MUC6: variants seen among roughly 807,000 people sequenced by gnomAD.
MUC6 encodes the protein mucin-6.
Under a neutral mutation model 201.5 loss-of-function variants are expected in MUC6, and 188 were observed. The observed-to-expected ratio is 0.93, with a 90% CI of 0.83 to 1.05. The LOEUF is 1.05. MUC6 is among the 50% of genes least tolerant of loss of function. MUC6 has a pLI of 0.00. For missense variants in MUC6, 2,706 were observed against 3,256.9 expected, an observed-to-expected ratio of 0.83 and a Z score of 4.12; for synonymous variants, 1,228 against 1,389.4, an observed-to-expected ratio of 0.88 and a Z score of 2.58.
rs965080400 is a variant in MUC6 at position 1,030,793 on chromosome 11, C to T, written c.685-13G>A. 1.1e-5 allele frequency: 17 copies of T among 1,534,544 alleles called. No individual in the cohort carries two copies. The highest frequency in any genetic ancestry group is 3.9e-5 in the Admixed American group (2 of 50,932). On this transcript the variant is annotated splice_polypyrimidine_tract_variant and intron_variant, in intron 6 of 32. Transcript: ENST00000421673. ...TGCAGATCCGGGCCTGGGGGGGCCA[C>T]TCAGGGTCATGGGGGCAAAGGCCAC...
At chr11:1,021,334 G>A in intron 26 of MUC6, 57 bp from the exon 27 acceptor site, 7 of 1,238,766 alleles carry the variant, frequency 5.7e-6, no homozygotes, top group Non-Finnish European at 6.5e-6. Context: ...GCCCACCTGC[G>A]TGTTTCCTGC....
chr11:1,036,493 C>G (rs1190911461), intron 1 of MUC6, 111 bp downstream of exon 1: 2 of 1,251,714 alleles, frequency 1.6e-6, no homozygotes, highest in Non-Finnish European at 2.2e-6. Flanking sequence ...TCCCGTCCAT[C>G]AGCGTCCATG....
rs1008974148 is a variant in MUC6, at chr11:1,013,158, G to A, written c.*298C>T. The stretch of plus-strand genomic sequence containing the variant: ...TGGGGCCAAGTTCAGGGGCTGGGAG[G>A]TGTTGGACGGTGGGCAGGGGTGGTC... On this transcript the variant is annotated 3_prime_UTR_variant, in exon 33 of 33. Transcript: ENST00000421673. 6.5e-6 allele frequency: 3 copies of A among 462,774 alleles called. No individual in the cohort carries two copies. The highest frequency in any genetic ancestry group is 1.1e-5 in the Non-Finnish European group (3 of 261,456). The allele number at this position is 462,774 out of a possible 1,614,324, so 28.7% of individuals were successfully genotyped here.
chr11:1,017,220 T>A lies in MUC6; in HGVS notation c.5581A>T (p.Thr1861Ser), dbSNP rs56238842. The change falls in exon 31 of 33, where the codon ACA (threonine) becomes TCA (serine). Residue 1861 changes from threonine (T) to serine (S), a missense_variant. This residue lies in a region of MUC6 where 20 missense variants were observed against 35.8 expected (regional missense o/e 0.56). Coordinates refer to ENST00000421673, the MANE Select transcript of MUC6 (RefSeq NM_005961.3). ...STHTVIIPTH[T>S]QMATSASIHS... ...ATGGAGGCAGAAGTGGCCATCTGTGTGTGGGTAGGGATGATGACCGTGTGA... is the reference window on the plus strand; with the variant it reads ...ATGGAGGCAGAAGTGGCCATCTGTGAGTGGGTAGGGATGATGACCGTGTGA... The A allele has an allele frequency of 3.1e-6, 5 of 1,612,626 alleles. No homozygotes were observed. Among genetic ancestry groups the A allele is most frequent in the Non-Finnish European group, 4.2e-6 (5 of 1,178,524 alleles).
chr11:1,015,850 C>A lies in MUC6; in HGVS notation c.6951G>T (p.Arg2317=). 1 of 1,603,176 alleles carries A rather than the reference C, an allele frequency of 6.2e-7. No homozygotes were observed. The highest frequency in any genetic ancestry group is 1.1e-5 in the South Asian group (1 of 88,954). The change falls in exon 31 of 33, where the codon CGG becomes CGT. Residue 2317 remains arginine, a synonymous_variant. Coordinates refer to ENST00000421673, the MANE Select transcript of MUC6 (RefSeq NM_005961.3). ...GGGCAGTGAGGGAGCTGGTCAGGAACCGTGTGGTAGGCGACAAGGTGGGAC... is the reference window on the plus strand; with the variant it reads ...GGGCAGTGAGGGAGCTGGTCAGGAAACGTGTGGTAGGCGACAAGGTGGGAC... ...HPGPTLSPTT[R]FLTSSLTAHG...
chr11:1,024,895 C>G lies in MUC6; in HGVS notation c.3174G>C (p.Glu1058Asp). The G allele has an allele frequency of 6.2e-7, 1 of 1,612,706 alleles. No homozygotes were observed. The highest frequency in any genetic ancestry group is 8.5e-7 in the Non-Finnish European group (1 of 1,179,834). Reference protein sequence around the residue: ...SLNAFRRSWAERKCSVINSQT... With the variant: ...SLNAFRRSWADRKCSVINSQT... ...GGCTGTTGATGACGCTGCACTTGCG[C>G]TCGGCCCAGGAGCGCCGGAAGGCAT... The change falls in exon 24 of 33, where the codon GAG (glutamate) becomes GAC (aspartate). Residue 1058 changes from glutamate (E) to aspartate (D), a missense_variant. Glu to Asp is a conservative substitution (Grantham distance 45). Coordinates refer to ENST00000421673, the MANE Select transcript of MUC6 (RefSeq NM_005961.3).
Position 1,028,665 on chromosome 11 carries a change from C to A in MUC6, c.1572G>T (p.Gln524His). 1 of 1,609,642 alleles carries A rather than the reference C, an allele frequency of 6.2e-7. No individual in the cohort carries two copies. Among genetic ancestry groups the A allele is most frequent in the Non-Finnish European group, 8.5e-7 (1 of 1,178,650 alleles). ...IFQAYVTVGP[Q>H]FRGQTRGLCG... is the part of the protein sequence containing the mutation. Reference sequence around the variant, plus strand: ...ACTCACCTCTGGTCTGACCTCTGAACTGGGGCCCAACAGTGACATAGGCCT... The same window carrying A: ...ACTCACCTCTGGTCTGACCTCTGAAATGGGGCCCAACAGTGACATAGGCCT... The change falls in exon 13 of 33, where the codon CAG becomes CAT. Residue 524 changes from glutamine (Q) to histidine (H), a missense_variant. Gln to His is a conservative substitution (Grantham distance 24). This residue lies in a region of MUC6 where 1,850 missense variants were observed against 1,958.3 expected (regional missense o/e 0.94). Coordinates refer to ENST00000421673, the MANE Select transcript of MUC6 (RefSeq NM_005961.3).
In MUC6 at chr11:1,013,481, C is replaced by T. The variant is rs1416463216; in HGVS notation, c.7295G>A (p.Cys2432Tyr). 1.9e-6 allele frequency: 3 copies of T among 1,585,524 alleles called. No homozygotes were observed. The highest frequency in any genetic ancestry group is 1.2e-5 in the South Asian group (1 of 86,708). Reference sequence around the variant, plus strand: ...CTAGTCTCCACAGGCCACAGAGCTGCACACGCAGTGGCTGAACACCTGCAG... The same window carrying T: ...CTAGTCTCCACAGGCCACAGAGCTGTACACGCAGTGGCTGAACACCTGCAG... ...LTLQVFSHCV[C>Y]SSVACGD is the part of the protein sequence containing the mutation. The change falls in exon 33 of 33, where the codon TGC (cysteine) becomes TAC (tyrosine). Residue 2432 changes from cysteine to tyrosine, a missense_variant. Transcript: ENST00000421673.
intron 18 of MUC6, 32 bp downstream of exon 18, chr11:1,027,109 T>C (rs1192418951): frequency 6.2e-7 from 1 of 1,611,606 alleles, no homozygotes; most frequent in Admixed American, 1.7e-5. Context: ...CCCCTCACAG[T>C]CCCAGCCTGC....
chr11:1,024,211 G>A (rs2133826110), intron 24 of MUC6, 108 bp from the exon 25 acceptor site: 2 of 1,325,724 alleles, frequency 1.5e-6, no homozygotes, highest in East Asian at 5.0e-5. Flanking sequence ...GTGGCGGTAA[G>A]GGCGCTGGGA....
At chr11:1,025,743 A>T in intron 22 of MUC6, 62 bp downstream of exon 22, 1 of 1,439,382 alleles carries the variant, frequency 6.9e-7, no homozygotes, top group Non-Finnish European at 9.5e-7. Context: ...CGCGGGATCC[A>T]GCTGTGTGGC....
chr11:1,028,609 T>C (rs779737076), intron 13 of MUC6, 37 bp downstream of exon 13: 1 of 1,596,908 alleles, frequency 6.3e-7, no homozygotes. Context: ...CCTGTAGGGA[T>C]GAGGCAACAG....
chr11:1,018,765 A>T lies in MUC6; in HGVS notation c.4036T>A (p.Ser1346Thr), dbSNP rs756791660. 1.4e-5 allele frequency: 22 copies of T among 1,555,490 alleles called. No homozygotes were observed. In the Admixed American group the frequency reaches 4.5e-4, roughly 32 times the overall value. Residue 1346 changes from serine to threonine, a missense_variant, in exon 31 of 33, where the codon TCG becomes ACG. Around this residue, in one of 10 missense-constraint regions of MUC6, gnomAD observed 1,850 missense variants for 1,958.3 expected, o/e 0.94. Transcript: ENST00000421673. The stretch of plus-strand genomic sequence containing the variant: ...GTTCCTGGCAGTTCCTGATTGGTCG[A>T]TTTTGCTGTGGGAATTGGTGAAGTT... ...TSGTSPTLPK[S>T]TNQELPGTTA... is the part of the protein sequence containing the mutation.
chr11:1,025,290 C>G lies in MUC6; in HGVS notation c.2877G>C (p.Pro959=), dbSNP rs566564048. ...EEPHVQLGVT[P]GALSLVVDIS... ...TGTCCACGACAAGGCTCAGCGCACC[C>G]GGCGTCACCCCGAGCTGCACGTGGG... Residue 959 remains proline, a synonymous_variant, in exon 23 of 33, where the codon CCG becomes CCC. Transcript: ENST00000421673. 1.2e-6 allele frequency: 2 copies of G among 1,612,738 alleles called. No individual in the cohort carries two copies. The highest frequency in any genetic ancestry group is 2.2e-5 in the South Asian group (2 of 91,088).
chr11:1,021,233 C>G lies in MUC6; in HGVS notation c.3571G>C (p.Gly1191Arg), dbSNP rs1174985624. ...GACTTACTGCAGGGCACGCACACCCCCTCCTCGTGGTCGAAGTACTCATCC... is the reference window on the plus strand; with the variant it reads ...GACTTACTGCAGGGCACGCACACCCGCTCCTCGTGGTCGAAGTACTCATCC... ...SQDEYFDHEE[G>R]VCVPCMPPTT... is the part of the protein sequence containing the mutation. The change falls in exon 27 of 33, where the codon GGG becomes CGG. Residue 1191 changes from glycine (G) to arginine (R), a missense_variant. Around this residue, in one of 10 missense-constraint regions of MUC6, gnomAD observed 1,850 missense variants for 1,958.3 expected, o/e 0.94. Coordinates refer to ENST00000421673, the MANE Select transcript of MUC6 (RefSeq NM_005961.3). 4.4e-6 allele frequency: 7 copies of G among 1,591,200 alleles called. No homozygotes were observed. The Admixed American group carries it at 5.3e-5, about 12-fold the overall frequency.
At chr11:1,020,856 G>A in intron 27 of MUC6, 122 bp from the exon 28 acceptor site, 2 of 1,281,518 alleles carry the variant, frequency 1.6e-6, no homozygotes, top group South Asian at 2.7e-5. Flanking sequence ...GGGGACTGGA[G>A]GGGCTGGGAG....
intron 8 of MUC6, 78 bp from the exon 9 acceptor site, chr11:1,029,693 C>T: frequency 1.4e-6 from 2 of 1,478,642 alleles, no homozygotes; most frequent in Non-Finnish European, 8.9e-7. Context: ...CAGGGAGACG[C>T]CCCCTCCAGC....
chr11:1,018,552 GGACGGGACTCCCCGCCGTA>G lies in MUC6; in HGVS notation c.4230_4248del (p.Thr1411LeufsTer39). The G allele has an allele frequency of 7.3e-7, 1 of 1,368,518 alleles. No individual in the cohort carries two copies. Among genetic ancestry groups the G allele is most frequent in the East Asian group, 2.5e-5 (1 of 39,634 alleles). The allele number at this position is 1,368,518 out of a possible 1,614,324, so 84.8% of individuals were successfully genotyped here. A position where few individuals can be genotyped will look rare whatever the true frequency, so the allele number is the denominator to read the frequency against. ...GTTGCAGTGACAGGACCTGTGGAAG[GGACGGGACTCCCCGCCGTA>G]GGCGGGGAGTGTGTGGTGTGTGGGG... On this transcript the variant is annotated frameshift_variant, in exon 31 of 33. Coordinates refer to ENST00000421673, the MANE Select transcript of MUC6 (RefSeq NM_005961.3). LOFTEE classifies it high-confidence loss of function.
In MUC6 at chr11:1,024,963, G is replaced by GCC. The variant is rs764929001; in HGVS notation, c.3105_3106insGG (p.Leu1036GlyfsTer6). 5.6e-6 allele frequency: 9 copies of GCC among 1,613,130 alleles called. No homozygotes were observed. The South Asian group carries it at 9.9e-5, about 18-fold the overall frequency. ...GTCACGAAGCTCACGTCCCCGCACAGCGGGCTCTCCTTCCACGAGTTCACC... is the reference window on the plus strand; with the variant it reads ...GTCACGAAGCTCACGTCCCCGCACAGCCCGGGCTCTCCTTCCACGAGTTCACC... On this transcript the variant is annotated frameshift_variant, in exon 24 of 33. Coordinates refer to ENST00000421673, the MANE Select transcript of MUC6 (RefSeq NM_005961.3). LOFTEE classifies it high-confidence loss of function.
Sources: allele counts gnomAD v4.1 joint callset, GRCh38; gene constraint gnomAD v4.1.1; regional missense constraint gnomAD v4.1.1; transcripts MANE v1.5; gene names NCBI Gene and HGNC (gene_info 2026-07-23, HGNC 2026-07-21).